The following NLGN4X variants were observed in gnomAD, a reference collection of about 807,000 sequenced individuals.
NLGN4X encodes neuroligin-4, X-linked.
A neutral mutation model predicts 40.3 loss-of-function variants in NLGN4X; 3 were observed. That is an observed-to-expected ratio of 0.07 (90% CI 0.03 to 0.19). The LOEUF (loss-of-function observed/expected upper bound fraction) is 0.19, where lower values mean the gene tolerates loss of function less well. NLGN4X is among the 10% of genes least tolerant of loss of function. The pLI, the probability that NLGN4X is intolerant of heterozygous loss-of-function variation, is 1.00. For missense variants in NLGN4X, 382 were observed against 708.3 expected, an observed-to-expected ratio of 0.54 and a Z score of 5.23; for synonymous variants, 270 against 306.8, an observed-to-expected ratio of 0.88 and a Z score of 1.25.
At chrX:5,925,917 T>C (rs79216004) in intron 3 of NLGN4X, among the ~76,000 whole-genome samples, 12,360 of 58,930 alleles carry the variant, frequency 0.21, 1,394 homozygotes, top group African/African-American at 0.26. Flanking sequence ...TATATATATA[T>C]ATATATATAT....
intron 3 of NLGN4X, among the ~76,000 whole-genome samples, chrX:5,944,067 GACAT>G (rs1051522027): frequency 1.8e-5 from 2 of 112,004 alleles, no homozygotes; most frequent in Non-Finnish European, 3.8e-5. Context: ...ACCTGGCTTG[GACAT>G]GAAATGTCTG....
At chrX:6,171,965 C>T (rs1482957496) in intron 1 of NLGN4X, among the ~76,000 whole-genome samples, 1 of 110,473 alleles carries the variant, frequency 9.1e-6, no homozygotes, top group East Asian at 2.9e-4. Flanking sequence ...GTAGCACGTC[C>T]TCTCTCTCTC....
chrX:6,140,099 C>T (rs781483204), intron 2 of NLGN4X, among the ~76,000 whole-genome samples: 1 of 111,358 alleles, frequency 9.0e-6, no homozygotes, highest in African/African-American at 3.3e-5. Flanking sequence ...TAAAGACATC[C>T]ATTTTAAGGA....
chrX:6,069,858 T>C (rs914704034), intron 2 of NLGN4X, among the ~76,000 whole-genome samples: 2 of 111,920 alleles, frequency 1.8e-5, no homozygotes, highest in African/African-American at 3.2e-5. Flanking sequence ...AAACCATGCA[T>C]CTTAAGCGTC....
chrX:6,204,801 G>A (rs1230084343), intron 1 of NLGN4X, among the ~76,000 whole-genome samples: 1 of 111,436 alleles, frequency 9.0e-6, no homozygotes, highest in African/African-American at 3.3e-5. Context: ...CACTACACTG[G>A]ACCATCTGCT....
intron 1 of NLGN4X, among the ~76,000 whole-genome samples, chrX:6,162,218 C>G (rs2040415678): frequency 8.9e-6 from 1 of 112,089 alleles, no homozygotes; most frequent in Non-Finnish European, 1.9e-5. Flanking sequence ...GACTATGATT[C>G]AAATCCTGGC....
intron 1 of NLGN4X, among the ~76,000 whole-genome samples, chrX:6,226,460 C>A (rs986581624): frequency 1.8e-5 from 2 of 111,077 alleles, no homozygotes; most frequent in Non-Finnish European, 3.8e-5. Flanking sequence ...GTTGGCCTGA[C>A]CCCCCTGCTC....
chrX:5,978,000 T>C (rs746349852), intron 3 of NLGN4X, among the ~76,000 whole-genome samples: 15 of 112,277 alleles, frequency 1.3e-4, no homozygotes, highest in South Asian at 3.7e-4. Context: ...GGCTGGTGCA[T>C]TGCTCTTGCA....
At chrX:6,009,882 G>T (rs1214824001) in intron 3 of NLGN4X, among the ~76,000 whole-genome samples, 1 of 112,610 alleles carries the variant, frequency 8.9e-6, no homozygotes, top group East Asian at 2.8e-4. Flanking sequence ...TCTGTTCACA[G>T]AATGAACACA....
intron 2 of NLGN4X, among the ~76,000 whole-genome samples, chrX:6,043,588 G>C (rs1162636886): frequency 9.0e-6 from 1 of 111,566 alleles, no homozygotes; most frequent in Non-Finnish European, 1.9e-5. Flanking sequence ...CACCTTTGGT[G>C]AATTCTCCTT....
At chrX:6,201,503 G>T (rs1316649145) in intron 1 of NLGN4X, among the ~76,000 whole-genome samples, 1 of 112,059 alleles carries the variant, frequency 8.9e-6, no homozygotes, top group East Asian at 2.8e-4. Flanking sequence ...AGAAAGAATA[G>T]CTTTAAAAAT....
Position 6,141,364 on chromosome X carries a change from A to G in NLGN4X, c.472+9631T>C, listed in dbSNP as rs561179840. Among the ~76,000 whole-genome samples the G allele has an allele frequency of 3.6e-5, 4 of 111,613 alleles. No homozygotes were observed. The East Asian group carries it at 1.1e-3, about 31-fold the overall frequency. ...AAGTCATGGGATTAACATTCAATTA[A>G]CCTGACATCAAAGTCTTAATATGCA... On this transcript the variant is annotated intron_variant, in intron 2 of 5. Coordinates refer to ENST00000381095, the MANE Select transcript of NLGN4X (RefSeq NM_181332.3).
intron 5 of NLGN4X, among the ~76,000 whole-genome samples, chrX:5,894,772 T>C (rs1362566496): frequency 8.9e-6 from 1 of 112,231 alleles, no homozygotes. Context: ...TTATGGCTTG[T>C]AAAGTAAGCT....
chrX:5,996,561 TG>T (rs2035824144), intron 3 of NLGN4X, among the ~76,000 whole-genome samples: 1 of 109,751 alleles, frequency 9.1e-6, no homozygotes, highest in African/African-American at 3.3e-5. Context: ...TGATGCTGTG[TG>T]GGCCTGCCCA....
Position 5,973,950 on chromosome X carries a change from T to C in NLGN4X, c.625+55330A>G, listed in dbSNP as rs1431156934. Among the ~76,000 whole-genome samples, 4 of 112,588 alleles carry C rather than the reference T, an allele frequency of 3.6e-5. No homozygotes were observed. In the East Asian group the frequency reaches 1.1e-3, roughly 31 times the overall value. On this transcript the variant is annotated intron_variant, in intron 3 of 5. Transcript: ENST00000381095. ...CAATGAATTATGGTAGGTCCATATA[T>C]GTGCCTGTGACAGAGGCTTCCTGAA...
At chrX:6,050,135 G>T (rs1301722244) in intron 2 of NLGN4X, among the ~76,000 whole-genome samples, 1 of 111,842 alleles carries the variant, frequency 8.9e-6, no homozygotes, top group African/African-American at 3.3e-5. Context: ...TAGCACTGAG[G>T]ATAGTGAACA....
intron 1 of NLGN4X, among the ~76,000 whole-genome samples, chrX:6,221,391 T>TATA (rs1556014058): frequency 1.9e-5 from 1 of 53,374 alleles, no homozygotes; most frequent in Non-Finnish European, 3.3e-5. Flanking sequence ...CCTTCTTATA[T>TATA]TATATATATA....
At chrX:5,980,202 C>T (rs144291552) in intron 3 of NLGN4X, among the ~76,000 whole-genome samples, 5,626 of 106,647 alleles carry the variant, frequency 0.053, 354 homozygotes, top group African/African-American at 0.18. Context: ...TGTCTAATAC[C>T]ATATATACTA....
chrX:6,001,870 A>G (rs1470775491), intron 3 of NLGN4X, among the ~76,000 whole-genome samples: 2 of 112,031 alleles, frequency 1.8e-5, no homozygotes, highest in African/African-American at 6.5e-5. Flanking sequence ...AAACATTTAA[A>G]CATTGTTGTT....
Sources: allele counts gnomAD v4.1 joint callset (sites outside exome capture counted in the v4.1 genomes callset), GRCh38; gene constraint gnomAD v4.1.1; transcripts MANE v1.5; gene names NCBI Gene and HGNC (gene_info 2026-07-23, HGNC 2026-07-21).